The following ATL2 variants were observed in gnomAD, a reference collection of about 807,000 sequenced individuals.
ATL2 encodes the protein atlastin GTPase 2, also known as atlastin-2.
A neutral mutation model predicts 73.9 loss-of-function variants in ATL2; 31 were observed. The ratio of observed to expected loss-of-function variants is 0.42; its 90% CI spans 0.32 to 0.57. The LOEUF is 0.57. ATL2 is among the 20% of genes least tolerant of loss of function. The pLI is 0.14. For synonymous variants in ATL2, 291 were observed against 237.5 expected (o/e 1.23, Z -2.07); for missense variants, 738 against 702.6 (o/e 1.05, Z -0.57).
intron 2 of ATL2, among the ~76,000 whole-genome samples, chr2:38,334,026 C>CTTT (rs1669155185): frequency 8.3e-6 from 1 of 120,086 alleles, no homozygotes; most frequent in South Asian, 2.5e-4. Flanking sequence ...GTATCCAATC[C>CTTT]TCTTTTTTTT....
At chr2:38,345,858 T>C (rs1238766769) in intron 1 of ATL2, among the ~76,000 whole-genome samples, 1 of 152,190 alleles carries the variant, frequency 6.6e-6, no homozygotes, top group Non-Finnish European at 1.5e-5. Flanking sequence ...ATCTGGAAAA[T>C]GGGTGTGTGT....
intron 9 of ATL2, among the ~76,000 whole-genome samples, chr2:38,300,808 C>T (rs1426472227): frequency 6.7e-6 from 1 of 149,856 alleles, no homozygotes; most frequent in African/African-American, 2.5e-5. Context: ...TGTGCCACCA[C>T]ATCCAGCTGA....
At chr2:38,335,282 G>C (rs1045313511) in intron 2 of ATL2, among the ~76,000 whole-genome samples, 3 of 151,838 alleles carry the variant, frequency 2.0e-5, no homozygotes, top group Non-Finnish European at 4.4e-5. Context: ...ACATCACAAA[G>C]ACTTTACAAA....
At chr2:38,296,576 C>T in intron 12 of ATL2, 1 of 1,614,008 alleles carries the variant, frequency 6.2e-7, no homozygotes, top group East Asian at 2.2e-5. Flanking sequence ...TAACTTCAAA[C>T]AGTTTGGAAA....
intron 2 of ATL2, among the ~76,000 whole-genome samples, chr2:38,343,006 G>C (rs1669812009): frequency 6.6e-6 from 1 of 150,926 alleles, no homozygotes; most frequent in Admixed American, 6.6e-5. Context: ...TTAAGAGTTG[G>C]GCATGGTGGC....
upstream of ATL2, among the ~76,000 whole-genome samples, chr2:38,377,846 T>A (rs991902747): frequency 1.3e-5 from 2 of 150,428 alleles, no homozygotes; most frequent in African/African-American, 4.9e-5. Context: ...AAGTCCCTAC[T>A]GTTGCTTCCC....
intron 1 of ATL2, among the ~76,000 whole-genome samples, chr2:38,374,454 A>C (rs76522769): frequency 6.6e-6 from 1 of 152,234 alleles, no homozygotes; most frequent in African/African-American, 2.4e-5. Context: ...AAGAAAGAAA[A>C]GAAGAAAGCT....
chr2:38,302,594 A>G (rs199753471), intron 9 of ATL2, among the ~76,000 whole-genome samples: 1 of 152,060 alleles, frequency 6.6e-6, no homozygotes, highest in Non-Finnish European at 1.5e-5. Context: ...CCCCTCCCCC[A>G]GCTCCAGGCA....
chr2:38,358,943 G>C (rs1026935029), intron 1 of ATL2, among the ~76,000 whole-genome samples: 4 of 152,072 alleles, frequency 2.6e-5, no homozygotes, highest in African/African-American at 9.7e-5. Context: ...TAGTCAAACA[G>C]ATACTACAAG....
intron 2 of ATL2, among the ~76,000 whole-genome samples, chr2:38,327,540 C>CAAAAAAAAAAAAAAAAAAAAGAAA (rs56332855): frequency 1.1e-5 from 1 of 89,962 alleles, no homozygotes; most frequent in Non-Finnish European, 2.4e-5. Context: ...AAAAAAAGTA[C>CAAAAAAAAAAAAAAAAAAAAGAAA]AAAAAAAAAA....
intron 12 of ATL2, chr2:38,296,354 T>C (rs958764980): frequency 1.4e-6 from 2 of 1,466,962 alleles, no homozygotes; most frequent in African/African-American, 1.4e-5. Flanking sequence ...TGCAATTCCA[T>C]ACCCTATATG....
chr2:38,356,734 AAAATT>A (rs1197219784), intron 1 of ATL2, among the ~76,000 whole-genome samples: 1 of 152,226 alleles, frequency 6.6e-6, no homozygotes, highest in East Asian at 1.9e-4. Context: ...TAATGTAAAT[AAAATT>A]AAATAAAACT....
chr2:38,309,394 A>G lies in ATL2; in HGVS notation c.1056T>C (p.Leu352=). 6.2e-7 allele frequency: 1 copy of G among 1,609,042 alleles called. No homozygotes were observed. Among genetic ancestry groups the G allele is most frequent in the Non-Finnish European group, 8.5e-7 (1 of 1,179,228 alleles). The change falls in exon 9 of 13, where the codon CTT becomes CTC. Residue 352 remains leucine (L), a synonymous_variant. Coordinates refer to ENST00000378954, the MANE Select transcript of ATL2 (RefSeq NM_001135673.4). ...ISGSKVTCRD[L]VEYFKAYIKI... is the part of the protein sequence containing the mutation. Reference sequence around the variant, plus strand: ...GCTCACCTACCTTAAAATATTCTACAAGATCTCTACAAGTGACTTTAGATC... The same window carrying G: ...GCTCACCTACCTTAAAATATTCTACGAGATCTCTACAAGTGACTTTAGATC...
At chr2:38,329,914 A>AG (rs1211257390) in intron 2 of ATL2, among the ~76,000 whole-genome samples, 4 of 152,152 alleles carry the variant, frequency 2.6e-5, no homozygotes, top group Non-Finnish European at 5.9e-5. Flanking sequence ...AGAATACCTG[A>AG]GGTCAGGAGT....
chr2:38,348,821 C>T (rs1670174175), intron 1 of ATL2, among the ~76,000 whole-genome samples: 2 of 151,634 alleles, frequency 1.3e-5, no homozygotes, highest in Admixed American at 6.6e-5. Flanking sequence ...CAAACAAATT[C>T]ACAAGAAAAA....
At chr2:38,350,535 A>T (rs79810069) in intron 1 of ATL2, among the ~76,000 whole-genome samples, 2 of 152,200 alleles carry the variant, frequency 1.3e-5, no homozygotes, top group Non-Finnish European at 2.9e-5. Context: ...GATACCTGTC[A>T]TTATACATCT....
intron 9 of ATL2, among the ~76,000 whole-genome samples, chr2:38,301,914 TGAGA>T (rs980152052): frequency 6.6e-6 from 1 of 152,176 alleles, no homozygotes; most frequent in Non-Finnish European, 1.5e-5. Flanking sequence ...TTCACAGCTC[TGAGA>T]GAGAGTCTTT....
intron 1 of ATL2, among the ~76,000 whole-genome samples, chr2:38,368,027 C>T (rs910576151): frequency 1.3e-5 from 2 of 151,456 alleles, no homozygotes; most frequent in Admixed American, 6.6e-5. Context: ...CTCCACCTTC[C>T]GGGTTCACAC....
intron 1 of ATL2, among the ~76,000 whole-genome samples, chr2:38,365,168 T>TACACAC (rs143111604): frequency 0.011 from 1,544 of 135,358 alleles, 11 homozygotes; most frequent in Non-Finnish European, 0.018. Flanking sequence ...CACACACAAA[T>TACACAC]ACACACACAC....
Sources: gnomAD v4.1 joint callset for allele counts (sites outside exome capture counted in the v4.1 genomes callset) on GRCh38, gnomAD v4.1.1 for gene constraint, MANE v1.5 for transcripts, NCBI Gene and HGNC (gene_info 2026-07-23, HGNC 2026-07-21) for gene names.